WDR41: variants seen among roughly 807,000 people sequenced by gnomAD.
WDR41 encodes WD repeat-containing protein 41.
Under a neutral mutation model 69.3 loss-of-function variants are expected in WDR41, and 63 were observed. The observed-to-expected ratio is 0.91, with a 90% CI of 0.74 to 1.12. WDR41 has a LOEUF of 1.12. Among genes scored for constraint, WDR41 ranks in the 50% most tolerant of loss-of-function variants. The probability of loss-of-function intolerance (pLI) is 0.00; values close to 1 mark genes in which losing one functional copy is unlikely to be tolerated. For missense variants in WDR41, 543 were observed against 534.5 expected (o/e 1.02, Z -0.16); for synonymous variants, 185 against 192.1 (o/e 0.96, Z 0.31).
chr5:77,605,697 T>G (rs1281670700), intron 1 of WDR41, among the ~76,000 whole-genome samples: 1 of 152,188 alleles, frequency 6.6e-6, no homozygotes, highest in East Asian at 1.9e-4. Flanking sequence ...GCCAGATTGT[T>G]AAGGCTGCCT....
chr5:77,485,093 G>C (rs1801452859), intron 2 of WDR41, among the ~76,000 whole-genome samples: 1 of 152,210 alleles, frequency 6.6e-6, no homozygotes, highest in Non-Finnish European at 1.5e-5. Context: ...TGTCACATCT[G>C]CATCAGAGTC....
intron 1 of WDR41, among the ~76,000 whole-genome samples, chr5:77,561,416 T>C (rs1743522261): frequency 6.6e-6 from 1 of 152,214 alleles, no homozygotes; most frequent in Admixed American, 6.5e-5. Context: ...ATTCATGAAG[T>C]AGAGAGTTCA....
intron 2 of WDR41, among the ~76,000 whole-genome samples, chr5:77,477,411 C>T: frequency 1.0e-5 from 1 of 96,736 alleles, no homozygotes; most frequent in African/African-American, 6.8e-5. Flanking sequence ...CAAAATTGAC[C>T]ACATAGTTGG....
chr5:77,618,877 G>T (rs141368061), intron 1 of WDR41, among the ~76,000 whole-genome samples: 3 of 152,174 alleles, frequency 2.0e-5, no homozygotes, highest in African/African-American at 4.8e-5. Flanking sequence ...ATATAACGAC[G>T]TTTTAGAAGA....
chr5:77,592,077 G>C (rs546124567), intron 1 of WDR41, among the ~76,000 whole-genome samples: 1 of 152,146 alleles, frequency 6.6e-6, no homozygotes, highest in South Asian at 2.1e-4. Context: ...AGAACTATGT[G>C]GGATTGGCCT....
intron 2 of WDR41, among the ~76,000 whole-genome samples, chr5:77,470,571 G>C (rs566115872): frequency 2.0e-5 from 3 of 151,730 alleles, no homozygotes; most frequent in South Asian, 2.1e-4. Context: ...TCAAAATAAA[G>C]GGATAGAGGA....
At chr5:77,610,560 T>G (rs1744526060) in intron 1 of WDR41, among the ~76,000 whole-genome samples, 1 of 151,600 alleles carries the variant, frequency 6.6e-6, no homozygotes, top group Non-Finnish European at 1.5e-5. Flanking sequence ...AAACTAAGCT[T>G]CATAAGTGAA....
chr5:77,461,282 C>A (rs564806859), intron 4 of WDR41, among the ~76,000 whole-genome samples: 1 of 152,290 alleles, frequency 6.6e-6, no homozygotes, highest in South Asian at 2.1e-4. Flanking sequence ...TAATCACACA[C>A]AAACATACAT....
intron 11 of WDR41, among the ~76,000 whole-genome samples, chr5:77,436,934 CA>C (rs2151285599): frequency 6.6e-6 from 1 of 152,224 alleles, no homozygotes; most frequent in South Asian, 2.1e-4. Context: ...TATAAGCACA[CA>C]AGGAAAAGTA....
chr5:77,519,462 T>C (rs1335472319), intron 1 of WDR41, among the ~76,000 whole-genome samples: 2 of 151,942 alleles, frequency 1.3e-5, no homozygotes, highest in Admixed American at 6.6e-5. Flanking sequence ...GTCTTTATTT[T>C]TTTCAAATTT....
chr5:77,618,633 G>A (rs563631324), intron 1 of WDR41, among the ~76,000 whole-genome samples: 2 of 152,254 alleles, frequency 1.3e-5, no homozygotes, highest in East Asian at 3.9e-4. Flanking sequence ...TCGGCCTCCT[G>A]AAGTGCTAGG....
At chr5:77,564,354 G>A (rs1410209450) in intron 1 of WDR41, among the ~76,000 whole-genome samples, 1 of 152,160 alleles carries the variant, frequency 6.6e-6, no homozygotes, top group Non-Finnish European at 1.5e-5. Flanking sequence ...AGGAGTTTGA[G>A]ACCAGCCTAG....
chr5:77,518,556 A>T (rs1274610158), intron 1 of WDR41, among the ~76,000 whole-genome samples: 1 of 152,072 alleles, frequency 6.6e-6, no homozygotes, highest in Non-Finnish European at 1.5e-5. Flanking sequence ...TCCCTAAGTC[A>T]TTTGTTTTCA....
chr5:77,504,338 T>C (rs1802071975), intron 1 of WDR41, among the ~76,000 whole-genome samples: 1 of 152,136 alleles, frequency 6.6e-6, no homozygotes, highest in African/African-American at 2.4e-5. Context: ...AAGTTGAATT[T>C]CTGAATAGAA....
chr5:77,614,758 C>T lies in WDR41; in HGVS notation c.42+5721G>A, dbSNP rs533543092. Among the ~76,000 whole-genome samples, 140 of 151,160 alleles carry T rather than the reference C, an allele frequency of 9.3e-4. 1 individual carries two copies. Among genetic ancestry groups the T allele is most frequent in the Admixed American group, 2.2e-3 (34 of 15,178 alleles). On this transcript the variant is annotated intron_variant, in intron 1 of 5. Coordinates refer to the WDR41 transcript ENST00000509971. The stretch of plus-strand genomic sequence containing the variant: ...GCACATGTATACATATGTAACTAAC[C>T]TGCACATTGTGCACATGTACCCTAA...
chr5:77,612,515 G>C (rs952434173), intron 1 of WDR41, among the ~76,000 whole-genome samples: 1 of 152,038 alleles, frequency 6.6e-6, no homozygotes, highest in Non-Finnish European at 1.5e-5. Context: ...ATGTAATCCA[G>C]CATATAAACA....
At chr5:77,571,626 A>G (rs1743734297) in intron 1 of WDR41, among the ~76,000 whole-genome samples, 1 of 152,136 alleles carries the variant, frequency 6.6e-6, no homozygotes, top group South Asian at 2.1e-4. Context: ...CAGTGTTTTA[A>G]TGCCAAACTA....
At chr5:77,569,979 ACTT>A (rs1171184609) in intron 1 of WDR41, among the ~76,000 whole-genome samples, 4 of 152,152 alleles carry the variant, frequency 2.6e-5, no homozygotes, top group Non-Finnish European at 4.4e-5. Flanking sequence ...GATCCTGGGA[ACTT>A]CTTTTCTCTC....
chr5:77,444,909 C>T (rs1799317000), intron 8 of WDR41, among the ~76,000 whole-genome samples: 1 of 151,978 alleles, frequency 6.6e-6, no homozygotes, highest in African/African-American at 2.4e-5. Context: ...AATCCAAAAG[C>T]TAGAAGAAGA....
Sources: allele counts gnomAD v4.1 joint callset (sites outside exome capture counted in the v4.1 genomes callset), GRCh38; gene constraint gnomAD v4.1.1; transcripts MANE v1.5; gene names NCBI Gene and HGNC (gene_info 2026-07-23, HGNC 2026-07-21).